The following CAND2 variants were observed in gnomAD, a reference collection of about 807,000 sequenced individuals.
CAND2 encodes the protein cullin-associated NEDD8-dissociated protein 2.
A neutral mutation model predicts 98.9 loss-of-function variants in CAND2; 62 were observed. The ratio of observed to expected loss-of-function variants is 0.63; its 90% CI spans 0.51 to 0.77. The LOEUF (loss-of-function observed/expected upper bound fraction) is 0.77, where lower values mean the gene tolerates loss of function less well. CAND2 is among the 30% of genes least tolerant of loss of function. The pLI is 0.00. For missense variants in CAND2, 1,501 were observed against 1,655.2 expected, an observed-to-expected ratio of 0.91 and a Z score of 1.62; for synonymous variants, 770 against 731.9, an observed-to-expected ratio of 1.05 and a Z score of -0.84.
In CAND2 at chr3:12,825,534, C is replaced by T. The variant is rs1404163694; in HGVS notation, c.3105C>T (p.Phe1035=). 1 of 1,605,356 alleles carries T rather than the reference C, an allele frequency of 6.2e-7. No individual in the cohort carries two copies. The highest frequency in any genetic ancestry group is 8.5e-7 in the Non-Finnish European group (1 of 1,176,082). The change falls in exon 12 of 15, where the codon TTC becomes TTT. Residue 1035 remains phenylalanine, a synonymous_variant. Transcript: ENST00000456430. Reference sequence around the variant, plus strand: ...TGCGCCGTGCGACTCTGGCTTTCTTCAACTCAGCTGTGCACAACAAGCCCT... The same window carrying T: ...TGCGCCGTGCGACTCTGGCTTTCTTTAACTCAGCTGTGCACAACAAGCCCT... The part of the protein sequence containing the change: ...LNVRRATLAF[F]NSAVHNKPSL...
intron 12 of CAND2, 124 bp from the exon 13 acceptor site, chr3:12,827,316 G>C (rs111435586): frequency 1.2e-6 from 1 of 831,244 alleles, no homozygotes; most frequent in African/African-American, 1.7e-5. Context: ...GGAGACTTGA[G>C]AGTATAAGGC....
At chr3:12,822,471 AT>A (rs1401062697) in intron 11 of CAND2, among the ~76,000 whole-genome samples, 3 of 151,622 alleles carry the variant, frequency 2.0e-5, no homozygotes, top group South Asian at 2.1e-4. Context: ...TACTTTTTAA[AT>A]TTTTTTTATA....
In CAND2 at chr3:12,813,520, C is replaced by T. The variant is rs188076434; in HGVS notation, c.1006+132C>T. ...CCAGCTCTTTCTCAAGCTCCAGTCC[C>T]ACCCGCTGTGACTGCACAGACCACA... On this transcript the variant is annotated intron_variant, in intron 7 of 14. Transcript: ENST00000456430. 5.7e-5 allele frequency: 48 copies of T among 838,486 alleles called. No individual in the cohort carries two copies. The East Asian group carries it at 1.2e-3, about 21-fold the overall frequency. The allele number at this position is 838,486 out of a possible 1,614,324, so 51.9% of individuals were successfully genotyped here.
chr3:12,809,612 G>A (rs1422093806), intron 4 of CAND2, among the ~76,000 whole-genome samples: 1 of 152,106 alleles, frequency 6.6e-6, no homozygotes, highest in South Asian at 2.1e-4. Context: ...CTTGTCTTGA[G>A]CCCAGAGCTC....
intron 11 of CAND2, 38 bp downstream of exon 11, chr3:12,820,219 G>A (rs775466542): frequency 2.7e-6 from 4 of 1,472,734 alleles, no homozygotes; most frequent in Non-Finnish European, 1.9e-6. Context: ...CTTGTTCAGT[G>A]CCCCCACCCA....
At chr3:12,823,729 C>CAA (rs56314808) in intron 11 of CAND2, among the ~76,000 whole-genome samples, 1 of 146,530 alleles carries the variant, frequency 6.8e-6, no homozygotes, top group Non-Finnish European at 1.5e-5. Flanking sequence ...GACTCCATCT[C>CAA]AAAAAAAAAA....
chr3:12,816,300 C>G (rs999482018), intron 9 of CAND2, 74 bp from the exon 10 acceptor site: 5 of 1,444,804 alleles, frequency 3.5e-6, no homozygotes, highest in Admixed American at 4.0e-5. Flanking sequence ...TTGTAGGTAC[C>G]CCAGCCTTGC....
At chr3:12,823,736 A>G (rs981860976) in intron 11 of CAND2, among the ~76,000 whole-genome samples, 1 of 151,782 alleles carries the variant, frequency 6.6e-6, no homozygotes, top group Non-Finnish European at 1.5e-5. Context: ...TCTCAAAAAA[A>G]AAAACAACAA....
In CAND2 at chr3:12,815,553, G is replaced by T; in HGVS notation, c.1299+120G>T. ...ATCCAGCCATGGAAGGGAAGGGAAG[G>T]GGTCCCTGGGGTGGGGGGCGGGAGC... is the stretch of plus-strand genomic sequence containing the variant. On this transcript the variant is annotated intron_variant, in intron 8 of 14. Transcript: ENST00000456430. This position sits in a 1 kb window ranked among gnomAD's most constrained non-coding sequence, Gnocchi z 5.7. The T allele has an allele frequency of 1.8e-6, 2 of 1,119,582 alleles. No homozygotes were observed. The highest frequency in any genetic ancestry group is 2.6e-5 in the East Asian group (1 of 38,610). The allele number at this position is 1,119,582 out of a possible 1,614,324, so 69.4% of individuals were successfully genotyped here. A position where few individuals can be genotyped will look rare whatever the true frequency, so the allele number is the denominator to read the frequency against.
At chr3:12,803,755 G>T in intron 2 of CAND2, 124 bp downstream of exon 2, 1 of 789,900 alleles carries the variant, frequency 1.3e-6, no homozygotes. Flanking sequence ...CTCGTTGAAT[G>T]GTACCTTAGT....
At position 12,815,483 on chromosome 3, in the gene CAND2, A is replaced by G; in HGVS notation, c.1299+50A>G. ...CTACCCCCGATTTGCCTACCCAGCCACTCACTGTTAGTGTCCCTGGACTTG... is the reference window on the plus strand; with the variant it reads ...CTACCCCCGATTTGCCTACCCAGCCGCTCACTGTTAGTGTCCCTGGACTTG... On this transcript the variant is annotated intron_variant, in intron 8 of 14. Transcript: ENST00000456430. The surrounding 1 kb of genome is among the most constrained non-coding windows in gnomAD (Gnocchi z 5.7). The G allele has an allele frequency of 1.3e-6, 2 of 1,532,900 alleles. No individual in the cohort carries two copies. Among genetic ancestry groups the G allele is most frequent in the Non-Finnish European group, 1.8e-6 (2 of 1,124,702 alleles). The allele number at this position is 1,532,900 out of a possible 1,614,324, so 95.0% of individuals were successfully genotyped here.
rs774867894 is a variant in CAND2 at position 12,813,056 on chromosome 3, G to A, written c.824G>A (p.Arg275Gln). ...DFCNLDDDEL[R>Q]ESCLQAFEAF... is the part of the protein sequence containing the mutation. ...TGCAACCTGGATGATGATGAGCTCC[G>A]GGAGTCCTGCCTCCAGGCTTTTGAG... The change falls in exon 6 of 15, where the codon CGG becomes CAG. Residue 275 changes from arginine to glutamine, a missense_variant. Around this residue, in one of 3 missense-constraint regions of CAND2, gnomAD observed 1,427 missense variants for 1,545.3 expected, o/e 0.92. Coordinates refer to ENST00000456430, the MANE Select transcript of CAND2 (RefSeq NM_001162499.2). 8.8e-6 allele frequency: 14 copies of A among 1,583,508 alleles called. 1 individual carries two copies. Among genetic ancestry groups the A allele is most frequent in the Admixed American group, 1.8e-5 (1 of 54,222 alleles).
chr3:12,803,722 C>A, intron 2 of CAND2, 91 bp downstream of exon 2: 1 of 1,174,004 alleles, frequency 8.5e-7, no homozygotes, highest in South Asian at 1.8e-5. Context: ...TACAGCCTCG[C>A]AGAGGAGACC....
At position 12,833,850 on chromosome 3, in the gene CAND2, G is replaced by T; in HGVS notation, c.3579G>T (p.Glu1193Asp). 6.2e-7 allele frequency: 1 copy of T among 1,614,154 alleles called. No individual in the cohort carries two copies. Among genetic ancestry groups the T allele is most frequent in the Non-Finnish European group, 8.5e-7 (1 of 1,179,990 alleles). ...RAVAALLTIP[E>D]VGKSPIMADF... Reference sequence around the variant, plus strand: ...TGGCTGCCCTGCTGACCATCCCCGAGGTGGGGAAAAGCCCCATCATGGCCG... The same window carrying T: ...TGGCTGCCCTGCTGACCATCCCCGATGTGGGGAAAAGCCCCATCATGGCCG... The change falls in exon 15 of 15, where the codon GAG becomes GAT. Residue 1193 changes from glutamate to aspartate, a missense_variant. By Grantham distance (45) the Glu-to-Asp change is conservative. Transcript: ENST00000456430.
chr3:12,831,066 CTTT>C (rs1553639697), intron 13 of CAND2, among the ~76,000 whole-genome samples: 1 of 151,142 alleles, frequency 6.6e-6, no homozygotes. Flanking sequence ...AAAATCGAGA[CTTT>C]TTTTTTACAT....
intron 12 of CAND2, among the ~76,000 whole-genome samples, chr3:12,825,986 C>A (rs3732679): frequency 0.73 from 111,609 of 152,106 alleles, 42,122 homozygotes; most frequent in African/African-American, 0.92. Context: ...ATCTGCACTG[C>A]GCCCAAGTGC....
chr3:12,799,486 G>T (rs2061751088), intron 1 of CAND2, among the ~76,000 whole-genome samples: 1 of 152,048 alleles, frequency 6.6e-6, no homozygotes, highest in South Asian at 2.1e-4. Context: ...TGCTTTCTCC[G>T]AGAGCTAGTG....
chr3:12,833,931 C>A lies in CAND2; in HGVS notation c.3660C>A (p.Ile1220=). ...NPELAALFES[I]QKDSASAPST... ...AACTTGCTGCCCTCTTTGAAAGCAT[C>A]CAGAAGGATTCCGCTTCAGCCCCCA... The change falls in exon 15 of 15, where the codon ATC becomes ATA. Residue 1220 remains isoleucine, a synonymous_variant. Coordinates refer to ENST00000456430, the MANE Select transcript of CAND2 (RefSeq NM_001162499.2). 6.2e-7 allele frequency: 1 copy of A among 1,614,200 alleles called. No homozygotes were observed. The highest frequency in any genetic ancestry group is 1.1e-5 in the South Asian group (1 of 91,090).
At position 12,815,936 on chromosome 3, in the gene CAND2, T is replaced by C; in HGVS notation, c.1369T>C (p.Phe457Leu). 1 of 1,613,854 alleles carries C rather than the reference T, an allele frequency of 6.2e-7. No homozygotes were observed. The highest frequency in any genetic ancestry group is 1.1e-5 in the South Asian group (1 of 91,076). Residue 457 changes from phenylalanine (F) to leucine (L), a missense_variant, in exon 9 of 15, where the codon TTC becomes CTC. Phe to Leu is a conservative substitution (Grantham distance 22). Around this residue, in one of 3 missense-constraint regions of CAND2, gnomAD observed 1,427 missense variants for 1,545.3 expected, o/e 0.92. Transcript: ENST00000456430. This position sits in a 1 kb window ranked among gnomAD's most constrained non-coding sequence, Gnocchi z 5.7. ...GAGCGTCAGAGCCCGCCAGGGATGCTTCAGCCTCCTCACCGAGCTGGCGGG... is the reference window on the plus strand; with the variant it reads ...GAGCGTCAGAGCCCGCCAGGGATGCCTCAGCCTCCTCACCGAGCTGGCGGG... ...DRSVRARQGC[F>L]SLLTELAGVL...
Sources: gnomAD v4.1 joint callset for allele counts (sites outside exome capture counted in the v4.1 genomes callset) on GRCh38, gnomAD v4.1.1 for gene constraint, gnomAD v4.1.1 regional missense constraint, Gnocchi (gnomAD v3.1) non-coding constraint, MANE v1.5 for transcripts, NCBI Gene and HGNC (gene_info 2026-07-23, HGNC 2026-07-21) for gene names.